RBFOX1: variants seen among roughly 807,000 people sequenced by gnomAD.
RBFOX1 encodes RNA binding protein fox-1 homolog 1.
In RBFOX1, 8 loss-of-function variants were observed where a neutral mutation model predicts 57.7. That is an observed-to-expected ratio of 0.14 (90% CI 0.08 to 0.25). The LOEUF is 0.25. Among genes scored for constraint, RBFOX1 ranks in the 10% least tolerant of loss-of-function variants. RBFOX1 has a pLI of 1.00. For synonymous variants in RBFOX1, 326 were observed against 222.4 expected (o/e 1.47, Z -4.15); for missense variants, 611 against 548.5 (o/e 1.11, Z -1.14).
chr16:6,631,183 G>A (rs17665171), intron 2 of RBFOX1, among the ~76,000 whole-genome samples: 86,500 of 151,794 alleles, frequency 0.57, 26,220 homozygotes, highest in South Asian at 0.79. Flanking sequence ...ATAGAGCCTC[G>A]GAAATTGTGA....
intron 3 of RBFOX1, among the ~76,000 whole-genome samples, chr16:6,815,773 A>G (rs2154270243): frequency 6.6e-6 from 1 of 152,326 alleles, no homozygotes. Context: ...GCCAAACCTC[A>G]TTCTCTAATT....
intron 2 of RBFOX1, among the ~76,000 whole-genome samples, chr16:6,589,850 G>A (rs147213785): frequency 2.1e-3 from 321 of 152,296 alleles, no homozygotes; most frequent in Non-Finnish European, 3.7e-3. Flanking sequence ...GATGGAGCCA[G>A]TTAGGTCATA....
intron 3 of RBFOX1, among the ~76,000 whole-genome samples, chr16:6,800,501 T>C (rs2085148285): frequency 6.6e-6 from 1 of 152,146 alleles, no homozygotes; most frequent in South Asian, 2.1e-4. Context: ...GCATTTCTAA[T>C]AGGCTTCCAG....
intron 2 of RBFOX1, among the ~76,000 whole-genome samples, chr16:6,450,306 G>C (rs2094563650): frequency 6.6e-6 from 1 of 152,058 alleles, no homozygotes; most frequent in Non-Finnish European, 1.5e-5. Flanking sequence ...AAAGAGAGTG[G>C]GTTAGTCACT....
intron 3 of RBFOX1, among the ~76,000 whole-genome samples, chr16:6,706,700 A>C (rs1021975189): frequency 7.6e-6 from 1 of 132,280 alleles, no homozygotes; most frequent in African/African-American, 2.8e-5. Context: ...TCTAATGGCT[A>C]CAGCTGCAGT....
At chr16:6,694,012 G>T in intron 3 of RBFOX1, among the ~76,000 whole-genome samples, 2 of 152,342 alleles carry the variant, frequency 1.3e-5, no homozygotes, top group African/African-American at 4.8e-5. Flanking sequence ...TACAAGTTTA[G>T]TTTTCTATTG....
intron 3 of RBFOX1, among the ~76,000 whole-genome samples, chr16:5,757,339 C>G (rs1394073004): frequency 6.8e-6 from 1 of 147,514 alleles, no homozygotes; most frequent in Non-Finnish European, 1.5e-5. Flanking sequence ...TCAAGTGATT[C>G]TCCTGCCTCA....
chr16:5,714,407 A>G (rs866814741), intron 3 of RBFOX1, among the ~76,000 whole-genome samples: 2 of 152,194 alleles, frequency 1.3e-5, no homozygotes, highest in African/African-American at 4.8e-5. Context: ...GGAAATGGAT[A>G]CAGAGAACAT....
intron 2 of RBFOX1, among the ~76,000 whole-genome samples, chr16:6,567,661 C>T (rs942648781): frequency 6.6e-6 from 1 of 152,174 alleles, no homozygotes; most frequent in Non-Finnish European, 1.5e-5. Flanking sequence ...TACACCAGTG[C>T]CTGGCACCCA....
intron 4 of RBFOX1, among the ~76,000 whole-genome samples, chr16:7,483,504 A>G (rs1013068436): frequency 4.6e-5 from 7 of 152,224 alleles, no homozygotes; most frequent in Non-Finnish European, 1.0e-4. Context: ...TGTGGTGGAC[A>G]TTGTATATCT....
chr16:7,427,252 C>G (rs1363942479), intron 4 of RBFOX1, among the ~76,000 whole-genome samples: 1 of 152,108 alleles, frequency 6.6e-6, no homozygotes, highest in African/African-American at 2.4e-5. Context: ...TACCCTAGAA[C>G]TTAAAGTATA....
At chr16:7,433,913 G>C (rs1429465551) in intron 4 of RBFOX1, among the ~76,000 whole-genome samples, 1 of 152,178 alleles carries the variant, frequency 6.6e-6, no homozygotes, top group East Asian at 1.9e-4. Flanking sequence ...TTCAGAGAAA[G>C]GTGGTAGATA....
In RBFOX1 at chr16:7,642,712, G is replaced by A. The variant is rs569094771; in HGVS notation, c.758-11103G>A. ...GGTTTTTTTTTTCCGTGGTTTCCCGGGAAACAACAACATGGTTATCAGTAC... is the reference window on the plus strand; with the variant it reads ...GGTTTTTTTTTTCCGTGGTTTCCCGAGAAACAACAACATGGTTATCAGTAC... On this transcript the variant is annotated intron_variant, in intron 11 of 15. Coordinates refer to ENST00000550418, the MANE Select transcript of RBFOX1 (RefSeq NM_018723.4). Among the ~76,000 whole-genome samples, 4 of 152,012 alleles carry A rather than the reference G, an allele frequency of 2.6e-5. No homozygotes were observed. In the East Asian group the frequency reaches 5.8e-4, roughly 22 times the overall value.
intron 1 of RBFOX1, among the ~76,000 whole-genome samples, chr16:5,438,863 A>T (rs2067997619): frequency 6.6e-6 from 1 of 152,084 alleles, no homozygotes; most frequent in Non-Finnish European, 1.5e-5. Context: ...CGAGTCGAGT[A>T]GGAGGTGATC....
At chr16:6,079,503 T>C (rs1233182230) in intron 1 of RBFOX1, among the ~76,000 whole-genome samples, 1 of 152,142 alleles carries the variant, frequency 6.6e-6, no homozygotes, top group African/African-American at 2.4e-5. Context: ...TTTTTACTTT[T>C]TGTAGAGATG....
chr16:6,365,347 G>T (rs1038859286), intron 2 of RBFOX1, among the ~76,000 whole-genome samples: 11 of 151,474 alleles, frequency 7.3e-5, no homozygotes, highest in African/African-American at 2.7e-4. Flanking sequence ...TGGATGGATG[G>T]ATGGATGGAT....
intron 4 of RBFOX1, among the ~76,000 whole-genome samples, chr16:7,454,094 G>A (rs1367423113): frequency 6.6e-6 from 1 of 152,196 alleles, no homozygotes; most frequent in Admixed American, 6.5e-5. Context: ...TTAGCTGAGT[G>A]TGGTGGCCCA....
At chr16:7,584,986 A>G (rs1405499015) in intron 6 of RBFOX1, among the ~76,000 whole-genome samples, 1 of 152,172 alleles carries the variant, frequency 6.6e-6, no homozygotes, top group Non-Finnish European at 1.5e-5. Flanking sequence ...TTCTGTCTCA[A>G]TCAGATCTTA....
intron 4 of RBFOX1, among the ~76,000 whole-genome samples, chr16:7,256,573 A>T (rs1339416390): frequency 6.6e-6 from 1 of 152,144 alleles, no homozygotes; most frequent in Non-Finnish European, 1.5e-5. Context: ...TATACCATGT[A>T]AACTGTGTGT....
Sources: allele counts gnomAD v4.1 joint callset (sites outside exome capture counted in the v4.1 genomes callset), GRCh38; gene constraint gnomAD v4.1.1; transcripts MANE v1.5; gene names NCBI Gene and HGNC (gene_info 2026-07-23, HGNC 2026-07-21).